The following OPRM1 variants were observed in gnomAD, a reference collection of about 807,000 sequenced individuals.
OPRM1 encodes mu-type opioid receptor.
A neutral mutation model predicts 31.8 loss-of-function variants in OPRM1; 27 were observed. That is an observed-to-expected ratio of 0.85 (90% confidence interval 0.63 to 1.17). OPRM1 has a LOEUF of 1.17. Among genes scored for constraint, OPRM1 ranks in the 50% most tolerant of loss-of-function variants. OPRM1 has a pLI of 0.00. For synonymous variants in OPRM1, 196 were observed against 189.9 expected, an observed-to-expected ratio of 1.03 and a Z score of -0.26; for missense variants, 536 against 511.1, an observed-to-expected ratio of 1.05 and a Z score of -0.47.
chr6:154,118,766 C>T lies in OPRM1; in HGVS notation c.*45C>T, dbSNP rs760684908. 6.8e-6 allele frequency: 11 copies of T among 1,609,698 alleles called. No individual in the cohort carries two copies. The highest frequency in any genetic ancestry group is 9.3e-6 in the Non-Finnish European group (11 of 1,178,540). ...GACCTTCACCAAGCTTAGAAGCCAC[C>T]ATGTATGTGGAAGCAGGTTGCTTCA... is the stretch of plus-strand genomic sequence containing the variant. On this transcript the variant is annotated 3_prime_UTR_variant, in exon 4 of 4. Transcript: ENST00000330432.
intron 2 of OPRM1, 85 bp downstream of exon 2, chr6:154,090,263 T>A: frequency 1.2e-6 from 1 of 845,672 alleles, no homozygotes; most frequent in Non-Finnish European, 1.9e-6. Flanking sequence ...ATTTATGGAG[T>A]GCCCCATTGT....
chr6:154,049,512 A>G (rs889963232), intron 1 of OPRM1, among the ~76,000 whole-genome samples: 2 of 152,202 alleles, frequency 1.3e-5, no homozygotes, highest in Non-Finnish European at 2.9e-5. Flanking sequence ...GCGGGTAAAT[A>G]TTAATAGATT....
At chr6:154,080,811 TCTA>T (rs1177762537) in intron 1 of OPRM1, among the ~76,000 whole-genome samples, 1 of 152,230 alleles carries the variant, frequency 6.6e-6, no homozygotes, top group African/African-American at 2.4e-5. Flanking sequence ...CAACACCAAA[TCTA>T]CTTTTCCTCT....
chr6:154,064,893 T>C (rs1785070669), intron 1 of OPRM1, among the ~76,000 whole-genome samples: 1 of 152,190 alleles, frequency 6.6e-6, no homozygotes, highest in Non-Finnish European at 1.5e-5. Context: ...TTACCATTAC[T>C]TTAAAGTAAG....
At chr6:154,211,707 A>C (rs1483164982) in intron 3 of OPRM1, among the ~76,000 whole-genome samples, 1 of 152,252 alleles carries the variant, frequency 6.6e-6, no homozygotes, top group East Asian at 1.9e-4. Flanking sequence ...CAGTTTAAAA[A>C]AGATTAAAAG....
rs1451953265 is a variant in OPRM1, at chr6:154,119,961, AT to A, written c.*1242del. ...TCTTCTAAGTAGTTTCTTTAAGACA[AT>A]TCTCCGCTTTAACTGATTTTCTTTG... is the stretch of plus-strand genomic sequence containing the variant. On this transcript the variant is annotated 3_prime_UTR_variant, in exon 4 of 4. Coordinates refer to ENST00000330432, the MANE Select transcript of OPRM1 (RefSeq NM_000914.5). 6.6e-6 allele frequency among the ~76,000 whole-genome samples: 1 copy of A among 152,186 alleles called. No homozygotes were observed. The highest frequency in any genetic ancestry group is 6.5e-5 in the Admixed American group (1 of 15,280).
chr6:154,226,139 C>T (rs918068270), intron 3 of OPRM1, among the ~76,000 whole-genome samples: 4 of 152,200 alleles, frequency 2.6e-5, no homozygotes, highest in South Asian at 2.1e-4. Flanking sequence ...GACTTATTCT[C>T]TTTTTGTTCC....
intron 3 of OPRM1, among the ~76,000 whole-genome samples, chr6:154,099,234 G>A (rs928349990): frequency 6.6e-6 from 1 of 150,478 alleles, no homozygotes; most frequent in Non-Finnish European, 1.5e-5. Context: ...GCAATGAGCA[G>A]TGATTGTGCC....
chr6:154,176,804 A>G (rs1800372535), intron 3 of OPRM1, among the ~76,000 whole-genome samples: 1 of 152,146 alleles, frequency 6.6e-6, no homozygotes, highest in South Asian at 2.1e-4. Flanking sequence ...AATTGGAAAA[A>G]ACTACTTTAA....
intron 1 of OPRM1, among the ~76,000 whole-genome samples, chr6:154,049,136 A>G (rs377075485): frequency 1.4e-4 from 21 of 152,324 alleles, no homozygotes; most frequent in African/African-American, 5.1e-4. Flanking sequence ...CATGGTTAAC[A>G]GCACTATAAA....
chr6:154,141,560 G>A lies in OPRM1; in HGVS notation c.1164+50088G>A, dbSNP rs890947771. Among the ~76,000 whole-genome samples the A allele has an allele frequency of 5.3e-5, 8 of 152,330 alleles. No homozygotes were observed. The East Asian group carries it at 1.3e-3, about 26-fold the overall frequency. ...ATGTGCAGCTGTGACACAGCCTCAG[G>A]AGGTCCTGACGACATGTGCCCAAGG... On this transcript the variant is annotated intron_variant, in intron 3 of 3. Coordinates refer to the OPRM1 transcript ENST00000337049.
chr6:154,060,954 T>C lies in OPRM1; in HGVS notation c.290+21120T>C, dbSNP rs1352664769. On this transcript the variant is annotated intron_variant, in intron 1 of 3. Transcript: ENST00000330432. ...GTCAAGAAAAGAAATTCTTACTTCATGGAGCAGAAATACACTGGTAATAAA... is the reference window on the plus strand; with the variant it reads ...GTCAAGAAAAGAAATTCTTACTTCACGGAGCAGAAATACACTGGTAATAAA... Among the ~76,000 whole-genome samples, 8 of 152,190 alleles carry C rather than the reference T, an allele frequency of 5.3e-5. No individual in the cohort carries two copies. In the East Asian group the frequency reaches 1.2e-3, roughly 22 times the overall value.
At chr6:154,149,580 G>A (rs562220557) in intron 3 of OPRM1, among the ~76,000 whole-genome samples, 1 of 151,524 alleles carries the variant, frequency 6.6e-6, no homozygotes, top group East Asian at 2.0e-4. Flanking sequence ...TCAGCCTTCT[G>A]CATATCCATT....
At chr6:154,206,224 T>C (rs1033603355) in intron 3 of OPRM1, among the ~76,000 whole-genome samples, 2 of 152,236 alleles carry the variant, frequency 1.3e-5, no homozygotes, top group African/African-American at 4.8e-5. Flanking sequence ...TTCCGATAGC[T>C]ATGTGTATTT....
intron 1 of OPRM1, among the ~76,000 whole-genome samples, chr6:154,079,941 T>A (rs1788722913): frequency 1.3e-5 from 2 of 152,218 alleles, no homozygotes; most frequent in African/African-American, 2.4e-5. Flanking sequence ...TCTTAAATGG[T>A]AGGCCGCATA....
At chr6:154,223,218 T>C (rs2128618443) in intron 3 of OPRM1, 2 of 1,613,620 alleles carry the variant, frequency 1.2e-6, no homozygotes, top group Admixed American at 1.7e-5. Context: ...ATCAGGCAGG[T>C]TGACAAATCC....
chr6:154,190,621 T>A (rs1303702780), intron 3 of OPRM1, among the ~76,000 whole-genome samples: 1 of 152,174 alleles, frequency 6.6e-6, no homozygotes, highest in Admixed American at 6.5e-5. Context: ...CAGTTAAACA[T>A]ACTCTTACCA....
At chr6:154,232,497 T>C (rs1157731241) in intron 3 of OPRM1, among the ~76,000 whole-genome samples, 3 of 152,208 alleles carry the variant, frequency 2.0e-5, no homozygotes, top group Non-Finnish European at 4.4e-5. Flanking sequence ...CCTGGTATTA[T>C]ACCATGGGAA....
chr6:154,088,986 G>T (rs546147900), intron 1 of OPRM1, among the ~76,000 whole-genome samples: 3 of 152,244 alleles, frequency 2.0e-5, no homozygotes, highest in African/African-American at 7.2e-5. Context: ...TGTGCTTTGA[G>T]ATTAAACTTG....
Sources: allele counts gnomAD v4.1 joint callset (sites outside exome capture counted in the v4.1 genomes callset), GRCh38; gene constraint gnomAD v4.1.1; transcripts MANE v1.5; gene names NCBI Gene and HGNC (gene_info 2026-07-23, HGNC 2026-07-21).